The following AKAIN1 variants were observed in gnomAD, a reference collection of about 807,000 sequenced individuals.
AKAIN1 encodes A-kinase anchor inhibitor 1, also known as A-kinase anchor protein inhibitor 1.
Under a neutral mutation model 3.7 loss-of-function variants are expected in AKAIN1, and 3 were observed. That is an observed-to-expected ratio of 0.82 (90% CI 0.37 to 2.12). The LOEUF (loss-of-function observed/expected upper bound fraction) is 2.12, where lower values mean the gene tolerates loss of function less well. Among genes scored for constraint, AKAIN1 ranks in the 30% most tolerant of loss-of-function variants. The pLI is 0.06. For synonymous variants in AKAIN1, 31 were observed against 30.8 expected (o/e 1.01, Z -0.02); for missense variants, 82 against 82.7 (o/e 0.99, Z 0.03).
intron 1 of AKAIN1, among the ~76,000 whole-genome samples, chr18:5,184,307 C>T (rs946549158): frequency 6.6e-6 from 1 of 151,968 alleles, no homozygotes; most frequent in African/African-American, 2.4e-5. Context: ...AAAAGAAAGC[C>T]GGTCCTAGTC....
intron 1 of AKAIN1, among the ~76,000 whole-genome samples, chr18:5,195,755 C>T (rs1296204004): frequency 6.6e-6 from 1 of 152,156 alleles, no homozygotes; most frequent in African/African-American, 2.4e-5. Context: ...GAGCTGTTTT[C>T]CAACTTCCTT....
intron 1 of AKAIN1, among the ~76,000 whole-genome samples, chr18:5,155,142 T>A (rs975316124): frequency 1.3e-5 from 2 of 151,994 alleles, no homozygotes; most frequent in African/African-American, 4.8e-5. Flanking sequence ...CACCTCAGCC[T>A]CCCAAAGTAT....
At chr18:5,177,371 T>C (rs1197404086) in intron 1 of AKAIN1, among the ~76,000 whole-genome samples, 3 of 152,110 alleles carry the variant, frequency 2.0e-5, no homozygotes, top group Non-Finnish European at 4.4e-5. Flanking sequence ...TAGAAAAACC[T>C]TGTATTAAAA....
intron 1 of AKAIN1, among the ~76,000 whole-genome samples, chr18:5,170,189 A>G (rs574364416): frequency 1.3e-5 from 2 of 152,306 alleles, no homozygotes; most frequent in Non-Finnish European, 2.9e-5. Flanking sequence ...CAACTTTGCA[A>G]CAGAATACAA....
chr18:5,151,634 C>T (rs985776575), intron 1 of AKAIN1, among the ~76,000 whole-genome samples: 5 of 152,176 alleles, frequency 3.3e-5, no homozygotes, highest in African/African-American at 1.2e-4. Flanking sequence ...ATTACCACCG[C>T]CACCCTTATC....
At chr18:5,192,385 T>TTTATTTTCTTTCTTTCTTTCTTTCTTTC (rs572080430) in intron 1 of AKAIN1, among the ~76,000 whole-genome samples, 2 of 106,990 alleles carry the variant, frequency 1.9e-5, no homozygotes, top group African/African-American at 7.1e-5. Flanking sequence ...ACAGAGCTAA[T>TTTATTTTCTTTCTTTCTTTCTTTCTTTC]TTTCTTTCTT....
At chr18:5,182,381 C>T (rs567118228) in intron 1 of AKAIN1, among the ~76,000 whole-genome samples, 6 of 152,136 alleles carry the variant, frequency 3.9e-5, no homozygotes, top group East Asian at 1.9e-4. Context: ...TCCATTTAGC[C>T]GACCGTGGGC....
intron 1 of AKAIN1, among the ~76,000 whole-genome samples, chr18:5,189,064 T>G (rs2071303767): frequency 6.6e-6 from 1 of 152,200 alleles, no homozygotes; most frequent in African/African-American, 2.4e-5. Context: ...CAGGTAGAGC[T>G]ACACCTGAGC....
intron 1 of AKAIN1, among the ~76,000 whole-genome samples, chr18:5,147,840 A>G (rs1448330423): frequency 6.6e-6 from 1 of 152,232 alleles, no homozygotes; most frequent in Non-Finnish European, 1.5e-5. Flanking sequence ...CATGAATTGC[A>G]ATAGACTGAA....
intron 1 of AKAIN1, among the ~76,000 whole-genome samples, chr18:5,189,438 T>C (rs1348327177): frequency 6.6e-6 from 1 of 152,180 alleles, no homozygotes; most frequent in Admixed American, 6.5e-5. Context: ...TCTGCTCTGC[T>C]TCCATTTTAA....
intron 1 of AKAIN1, among the ~76,000 whole-genome samples, chr18:5,161,727 T>C (rs2071140421): frequency 6.6e-6 from 1 of 152,172 alleles, no homozygotes; most frequent in African/African-American, 2.4e-5. Context: ...GAATTATTTT[T>C]AATTAGAAAT....
intron 1 of AKAIN1, among the ~76,000 whole-genome samples, chr18:5,151,354 T>C (rs1377457204): frequency 6.6e-6 from 1 of 151,702 alleles, no homozygotes; most frequent in Non-Finnish European, 1.5e-5. Context: ...AAGGACCAGA[T>C]GTTAAATCTC....
rs933897796 is a variant in AKAIN1, at chr18:5,145,346, C to T, written c.*216G>A. 3 of 392,056 alleles carry T rather than the reference C, an allele frequency of 7.7e-6. No homozygotes were observed. Among genetic ancestry groups the T allele is most frequent in the Non-Finnish European group, 9.1e-6 (2 of 220,162 alleles). The allele number at this position is 392,056 out of a possible 1,614,324, so 24.3% of individuals were successfully genotyped here. Reference sequence around the variant, plus strand: ...TTGCAATTACAGTGTCATATTTGGCCCCACTATGTCTCAGAGGCACTGCAT... The same window carrying T: ...TTGCAATTACAGTGTCATATTTGGCTCCACTATGTCTCAGAGGCACTGCAT... On this transcript the variant is annotated 3_prime_UTR_variant, in exon 2 of 2. Transcript: ENST00000434239.
At chr18:5,189,170 C>T (rs1332865754) in intron 1 of AKAIN1, among the ~76,000 whole-genome samples, 3 of 152,116 alleles carry the variant, frequency 2.0e-5, no homozygotes, top group East Asian at 3.9e-4. Context: ...CTGTGGAGGG[C>T]ACCTCATCCC....
chr18:5,176,108 A>G (rs2071224679), intron 1 of AKAIN1, among the ~76,000 whole-genome samples: 1 of 152,110 alleles, frequency 6.6e-6, no homozygotes, highest in Admixed American at 6.6e-5. Context: ...GTTGAGAACC[A>G]CTGCCCTAGA....
At chr18:5,146,123 T>C (rs2071047970) in intron 1 of AKAIN1, among the ~76,000 whole-genome samples, 1 of 152,254 alleles carries the variant, frequency 6.6e-6, no homozygotes, top group Admixed American at 6.5e-5. Flanking sequence ...CTGTTATTAC[T>C]TTTATTGGGT....
chr18:5,155,388 TTC>T (rs1567872331), intron 1 of AKAIN1, among the ~76,000 whole-genome samples: 2 of 152,120 alleles, frequency 1.3e-5, no homozygotes, highest in Non-Finnish European at 2.9e-5. Flanking sequence ...ATGCGTAGGT[TTC>T]TCTTTTCGTA....
intron 1 of AKAIN1, among the ~76,000 whole-genome samples, chr18:5,155,167 C>T (rs956411408): frequency 6.6e-6 from 1 of 151,930 alleles, no homozygotes; most frequent in South Asian, 2.1e-4. Context: ...ATGACAGGCG[C>T]GAGCCACTGC....
intron 1 of AKAIN1, among the ~76,000 whole-genome samples, chr18:5,165,252 T>TA (rs950181441): frequency 5.3e-5 from 8 of 151,998 alleles, no homozygotes; most frequent in Admixed American, 1.3e-4. Flanking sequence ...AAGACTTTAA[T>TA]TAGTAGCTAA....
Sources: gnomAD v4.1 joint callset for allele counts (sites outside exome capture counted in the v4.1 genomes callset) on GRCh38, gnomAD v4.1.1 for gene constraint, MANE v1.5 for transcripts, NCBI Gene and HGNC (gene_info 2026-07-23, HGNC 2026-07-21) for gene names.